SYNE1: variants seen among roughly 807,000 people sequenced by gnomAD.
The protein encoded by SYNE1 is spectrin repeat containing nuclear envelope protein 1, also known as nesprin-1.
Under a neutral mutation model 1,111.0 loss-of-function variants are expected in SYNE1, and 616 were observed. The ratio of observed to expected loss-of-function variants is 0.55; its 90% CI spans 0.52 to 0.59. The LOEUF is 0.59. Among genes scored for constraint, SYNE1 ranks in the 20% least tolerant of loss-of-function variants. The pLI is 0.00. For synonymous variants in SYNE1, 3,855 were observed against 3,825.8 expected (o/e 1.01, Z -0.28); for missense variants, 10,006 against 10,417.0 (o/e 0.96, Z 1.72).
At chr6:152,423,529 T>C (rs1307050074) in intron 39 of SYNE1, among the ~76,000 whole-genome samples, 1 of 152,210 alleles carries the variant, frequency 6.6e-6, no homozygotes, top group East Asian at 1.9e-4. Flanking sequence ...CTTCAGTTCT[T>C]GCCTGACCTT....
At chr6:152,363,220 C>T (rs62426385) in intron 63 of SYNE1, among the ~76,000 whole-genome samples, 98,011 of 144,572 alleles carry the variant, frequency 0.68, 33,422 homozygotes, top group East Asian at 0.78. Context: ...TCAGGCCGGG[C>T]GCGGTGACTC....
intron 127 of SYNE1, among the ~76,000 whole-genome samples, chr6:152,200,157 A>G (rs1389860243): frequency 6.6e-6 from 1 of 152,216 alleles, no homozygotes; most frequent in Non-Finnish European, 1.5e-5. Context: ...TTTCAGACGC[A>G]CAGTATACCA....
In SYNE1 at chr6:152,404,116, T is replaced by TACAC. The variant is rs1554635551; in HGVS notation, c.6825+93_6825+96dup. On this transcript the variant is annotated intron_variant, in intron 46 of 145. Coordinates refer to ENST00000367255, the MANE Select transcript of SYNE1 (RefSeq NM_182961.4). The stretch of plus-strand genomic sequence containing the variant: ...TATAGATATATGAGATATATATATA[T>TACAC]ACACACACACACACACACACAGAGA... 108 of 616,894 alleles carry TACAC rather than the reference T, an allele frequency of 1.8e-4. 1 individual carries two copies. The highest frequency in any genetic ancestry group is 1.3e-3 in the African/African-American group (70 of 53,052). The allele number at this position is 616,894 out of a possible 1,614,324, so 38.2% of individuals were successfully genotyped here.
In SYNE1 at chr6:152,437,164, G is replaced by C. The variant is rs537065407; in HGVS notation, c.4150-1063C>G. On this transcript the variant is annotated intron_variant, in intron 32 of 145. Transcript: ENST00000367255. ...GCAAGAATTTGTCTCAAAGAAAAAA[G>C]AGAGAGAGAAGTAATCAAGCCATTT... Among the ~76,000 whole-genome samples, 12 of 150,540 alleles carry C rather than the reference G, an allele frequency of 8.0e-5. No individual in the cohort carries two copies. In the South Asian group the frequency reaches 1.0e-3, roughly 13 times the overall value.
chr6:152,252,563 C>T (rs2089648228), intron 104 of SYNE1, among the ~76,000 whole-genome samples: 1 of 152,166 alleles, frequency 6.6e-6, no homozygotes, highest in Admixed American at 6.5e-5. Context: ...TGTTAGCAGT[C>T]TGGCAAAAGC....
At chr6:152,583,574 C>T (rs1360232259) in intron 3 of SYNE1, among the ~76,000 whole-genome samples, 1 of 152,152 alleles carries the variant, frequency 6.6e-6, no homozygotes, top group African/African-American at 2.4e-5. Flanking sequence ...ACAGAAGACG[C>T]CTTACTTCCA....
chr6:152,453,094 A>C (rs1411468849), intron 25 of SYNE1, among the ~76,000 whole-genome samples: 1 of 152,178 alleles, frequency 6.6e-6, no homozygotes, highest in African/African-American at 2.4e-5. Flanking sequence ...CTGAACTCTT[A>C]AGCTCTTGGG....
intron 32 of SYNE1, among the ~76,000 whole-genome samples, chr6:152,439,262 A>T (rs1378800671): frequency 6.6e-6 from 1 of 152,248 alleles, no homozygotes; most frequent in African/African-American, 2.4e-5. Flanking sequence ...ATCCAAAGGA[A>T]TTAGTGCAAA....
chr6:152,628,013 T>C (rs1254046288), intron 3 of SYNE1, among the ~76,000 whole-genome samples: 2 of 117,392 alleles, frequency 1.7e-5, no homozygotes, highest in African/African-American at 3.4e-5. Flanking sequence ...TGAATAACCA[T>C]GTAAGACATG....
Position 152,284,048 on chromosome 6 carries a change from G to A in SYNE1, c.18137C>T (p.Thr6046Met), listed in dbSNP as rs372219741. ...CATTCGCTCGGCTAAGACAGTGAGCGTGGACTGCAAGGCCAGCTGCTCCGC... is the reference window on the plus strand; with the variant it reads ...CATTCGCTCGGCTAAGACAGTGAGCATGGACTGCAAGGCCAGCTGCTCCGC... ...DPAEQLALQS[T>M]LTVLAERMST... The change falls in exon 96 of 146, where the codon ACG (threonine) becomes ATG (methionine). Residue 6046 changes from threonine (T) to methionine (M), a missense_variant. Physicochemically the swap from Thr to Met is moderately conservative, Grantham distance 81 (BLOSUM62 -1). Around this residue, in one of 7 missense-constraint regions of SYNE1, gnomAD observed 4,955 missense variants for 5,017.2 expected, o/e 0.99. Transcript: ENST00000367255. The A allele has an allele frequency of 1.6e-5, 26 of 1,614,114 alleles. No individual in the cohort carries two copies. Among genetic ancestry groups the A allele is most frequent in the East Asian group, 1.3e-4 (6 of 44,902 alleles).
At chr6:152,406,409 G>A (rs980599186) in intron 45 of SYNE1, among the ~76,000 whole-genome samples, 10 of 151,028 alleles carry the variant, frequency 6.6e-5, no homozygotes, top group Admixed American at 2.0e-4. Flanking sequence ...CATATCCCCC[G>A]AAGAATGGGA....
chr6:152,318,841 C>T, intron 85 of SYNE1, 22 bp downstream of exon 85: 1 of 1,613,588 alleles, frequency 6.2e-7, no homozygotes, highest in Non-Finnish European at 8.5e-7. Context: ...TCAGTAGTAC[C>T]CTTTAAAATT....
chr6:152,589,473 A>G (rs2099551583), intron 3 of SYNE1, among the ~76,000 whole-genome samples: 1 of 152,174 alleles, frequency 6.6e-6, no homozygotes, highest in Non-Finnish European at 1.5e-5. Flanking sequence ...CATAAAAATG[A>G]GTTTTGGTAA....
At chr6:152,565,852 G>A (rs2099411771) in intron 3 of SYNE1, among the ~76,000 whole-genome samples, 2 of 152,090 alleles carry the variant, frequency 1.3e-5, no homozygotes, top group Non-Finnish European at 2.9e-5. Flanking sequence ...GGAACTGTGG[G>A]GTTTAAAAGT....
chr6:152,282,090 A>AGGCCGGGCGCGGTGGCTCACGCCTGT, intron 96 of SYNE1, 110 bp from the exon 97 acceptor site: 2 of 1,141,816 alleles, frequency 1.8e-6, no homozygotes, highest in Non-Finnish European at 2.6e-6. Flanking sequence ...AATCACTGGT[A>AGGCCGGGCGCGGTGGCTCACGCCTGT]AAACTTTTAA....
At position 152,526,160 on chromosome 6, in the gene SYNE1, C is replaced by T; in HGVS notation, c.145G>A (p.Val49Met). ...ATGTCTTCAAAAAGATCGTCCACCA[C>T]CATTGGAGGTTTCCGCTGTAAAAGC... Reference protein sequence around the residue: ...SHLAKRKPPMVVDDLFEDMKD... With the variant: ...SHLAKRKPPMMVDDLFEDMKD... Residue 49 changes from valine to methionine, a missense_variant, in exon 5 of 146, where the codon GTG becomes ATG. Val to Met is a conservative substitution (Grantham distance 21). This residue lies in a region of SYNE1 where 1,971 missense variants were observed against 2,084.1 expected (regional missense o/e 0.95). Transcript: ENST00000367255. The T allele has an allele frequency of 6.2e-7, 1 of 1,614,112 alleles. No homozygotes were observed. The highest frequency in any genetic ancestry group is 8.5e-7 in the Non-Finnish European group (1 of 1,179,988).
chr6:152,170,846 C>T (rs895888666), intron 130 of SYNE1, among the ~76,000 whole-genome samples: 2 of 152,206 alleles, frequency 1.3e-5, no homozygotes, highest in Non-Finnish European at 2.9e-5. Context: ...TGACTTGTAG[C>T]TCCCACAATT....
Position 152,618,757 on chromosome 6 carries a change from A to C in SYNE1, c.67+9508T>G, listed in dbSNP as rs373141149. 1.2e-4 allele frequency among the ~76,000 whole-genome samples: 18 copies of C among 152,358 alleles called. 3 individuals are homozygous for C. Among genetic ancestry groups the C allele is most frequent in the Admixed American group, 8.5e-4 (13 of 15,302 alleles). ...ATATCAAAATAATTCAAAATTGTACATGGATAATTTGAAACTGAATCTGTC... is the reference window on the plus strand; with the variant it reads ...ATATCAAAATAATTCAAAATTGTACCTGGATAATTTGAAACTGAATCTGTC... On this transcript the variant is annotated intron_variant, in intron 3 of 145. Transcript: ENST00000367255.
chr6:152,442,670 G>A (rs1324241819), intron 30 of SYNE1, among the ~76,000 whole-genome samples: 1 of 152,182 alleles, frequency 6.6e-6, no homozygotes, highest in Non-Finnish European at 1.5e-5. Flanking sequence ...GCCAGGGGCG[G>A]TGCAGTGGCT....
Sources: gnomAD v4.1 joint callset for allele counts (sites outside exome capture counted in the v4.1 genomes callset) on GRCh38, gnomAD v4.1.1 for gene constraint, gnomAD v4.1.1 regional missense constraint, MANE v1.5 for transcripts, NCBI Gene and HGNC (gene_info 2026-07-23, HGNC 2026-07-21) for gene names.